Variants in LARGE1 observed in about 807,000 individuals in gnomAD.
LARGE1 encodes xylosyl- and glucuronyltransferase LARGE1.
LARGE1 carries 43 observed loss-of-function variants against 87.6 expected under a neutral mutation model. The observed-to-expected ratio is 0.49, with a 90% CI of 0.38 to 0.63. The LOEUF (loss-of-function observed/expected upper bound fraction) is 0.63, where lower values mean the gene tolerates loss of function less well. Ranked by LOEUF, LARGE1 falls within the 30% of genes least tolerant of loss-of-function variation. LARGE1 has a pLI of 0.00. For missense variants in LARGE1, 802 were observed against 1,000.2 expected, an observed-to-expected ratio of 0.80 and a Z score of 2.67; for synonymous variants, 434 against 394.6, an observed-to-expected ratio of 1.10 and a Z score of -1.18.
intron 2 of LARGE1, among the ~76,000 whole-genome samples, chr22:33,697,002 T>C (rs910767989): frequency 4.6e-5 from 7 of 152,074 alleles, no homozygotes; most frequent in Non-Finnish European, 5.9e-5. Context: ...AAAGCCACAT[T>C]AGACATTTTC....
downstream of LARGE1, among the ~76,000 whole-genome samples, chr22:33,157,563 T>A (rs1921910477): frequency 6.6e-6 from 1 of 152,178 alleles, no homozygotes; most frequent in Non-Finnish European, 1.5e-5. Context: ...GAACCACTGC[T>A]CATTGTCTTA....
intron 1 of LARGE1, among the ~76,000 whole-genome samples, chr22:33,890,196 A>C (rs1049227450): frequency 6.6e-6 from 1 of 152,228 alleles, no homozygotes; most frequent in Non-Finnish European, 1.5e-5. Context: ...CTGGTGTTCA[A>C]ATCCTAGTTT....
chr22:33,510,396 A>G (rs1054988756), intron 6 of LARGE1, among the ~76,000 whole-genome samples: 2 of 152,176 alleles, frequency 1.3e-5, no homozygotes, highest in Admixed American at 1.3e-4. Flanking sequence ...ACCTCTAACA[A>G]TTGGCTTGTG....
In LARGE1 at chr22:33,785,102, TATAC is replaced by T. The variant is rs1390721209; in HGVS notation, c.-82-23548_-82-23545del. The stretch of plus-strand genomic sequence containing the variant: ...ACATACATATGTGTATATACATGTG[TATAC>T]ATACATATGTGTATATGCATATATG... On this transcript the variant is annotated intron_variant, in intron 1 of 14. Transcript: ENST00000397394. 6.2e-5 allele frequency among the ~76,000 whole-genome samples: 4 copies of T among 64,720 alleles called. 1 individual carries two copies. The highest frequency in any genetic ancestry group is 1.2e-4 in the Non-Finnish European group (4 of 32,628). 42.5% of individuals were successfully genotyped at this position (64,720 alleles called of 152,430 possible).
intron 2 of LARGE1, among the ~76,000 whole-genome samples, chr22:33,745,520 C>A (rs2084047108): frequency 6.6e-6 from 1 of 152,148 alleles, no homozygotes; most frequent in African/African-American, 2.4e-5. Context: ...CATGTCTGCA[C>A]TGGGGATTTG....
intron 2 of LARGE1, among the ~76,000 whole-genome samples, chr22:33,729,658 C>G (rs995712351): frequency 1.3e-5 from 2 of 152,178 alleles, no homozygotes; most frequent in African/African-American, 4.8e-5. Context: ...TATTTAAGGG[C>G]CTGCAAAGCC....
chr22:33,838,437 G>A (rs13054613), intron 1 of LARGE1, among the ~76,000 whole-genome samples: 1 of 152,166 alleles, frequency 6.6e-6, no homozygotes, highest in African/African-American at 2.4e-5. Flanking sequence ...CCAAGAGTTT[G>A]AGACCAGCCT....
At chr22:33,335,129 G>C (rs1180276287) in intron 10 of LARGE1, among the ~76,000 whole-genome samples, 1 of 152,210 alleles carries the variant, frequency 6.6e-6, no homozygotes, top group Non-Finnish European at 1.5e-5. Flanking sequence ...AAATAAACGA[G>C]GTAGGAGAAC....
At chr22:33,517,706 G>A (rs1602219345) in intron 6 of LARGE1, among the ~76,000 whole-genome samples, 1 of 152,174 alleles carries the variant, frequency 6.6e-6, no homozygotes, top group South Asian at 2.1e-4. Flanking sequence ...GCCGCCCAGA[G>A]AATTTTGTAT....
At chr22:33,681,575 A>C (rs1240454436) in intron 2 of LARGE1, among the ~76,000 whole-genome samples, 1 of 152,236 alleles carries the variant, frequency 6.6e-6, no homozygotes, top group Non-Finnish European at 1.5e-5. Flanking sequence ...GCAAAATTTA[A>C]GCACTTGCTA....
rs146782243 is a variant in LARGE1, at chr22:33,861,683, G to A, written c.-83+58312C>T. 310 of 152,374 alleles carry A rather than the reference G, an allele frequency of 2.0e-3. 1 individual carries two copies. Among genetic ancestry groups the A allele is most frequent in the Non-Finnish European group, 3.4e-3 (230 of 68,176 alleles). The allele number at this position is 152,374 out of a possible 1,614,324, so 9.4% of individuals were successfully genotyped here. ...CCTCAGTCCTGCCCCCCAGCACTTC[G>A]CGCCAGCCCCAGGAGATCTTGCACC... On this transcript the variant is annotated intron_variant, in intron 1 of 14. Transcript: ENST00000397394.
At chr22:33,697,572 G>GAAAAAAAAAAAAAAA (rs1556001740) in intron 2 of LARGE1, among the ~76,000 whole-genome samples, 2 of 30,888 alleles carry the variant, frequency 6.5e-5, no homozygotes, top group African/African-American at 1.3e-4. Context: ...AAAAAAAAAG[G>GAAAAAAAAAAAAAAA]AAATACATCT....
intron 2 of LARGE1, among the ~76,000 whole-genome samples, chr22:33,697,365 G>A (rs758742358): frequency 6.6e-6 from 1 of 151,874 alleles, no homozygotes; most frequent in African/African-American, 2.4e-5. Context: ...TCTCACCTTT[G>A]TCTCTAGCCT....
At chr22:33,334,391 C>T (rs749754108) in intron 10 of LARGE1, among the ~76,000 whole-genome samples, 4 of 122,912 alleles carry the variant, frequency 3.3e-5, no homozygotes, top group Non-Finnish European at 6.3e-5. Context: ...AGCCTGGCGA[C>T]AGAGCAAGAC....
chr22:33,097,562 T>C, the LARGE1 span, among the ~76,000 whole-genome samples: 3 of 152,210 alleles, frequency 2.0e-5, no homozygotes, highest in Non-Finnish European at 4.4e-5. Flanking sequence ...CATAAGTCAG[T>C]ACAGAGTGCT....
intron 1 of LARGE1, among the ~76,000 whole-genome samples, chr22:33,866,441 G>A (rs138059560): frequency 9.1e-4 from 139 of 152,268 alleles, no homozygotes; most frequent in African/African-American, 3.1e-3. Context: ...TGACAACATC[G>A]GATGGTGCAG....
intron 9 of LARGE1, among the ~76,000 whole-genome samples, chr22:33,377,134 T>C (rs2065016939): frequency 1.3e-5 from 2 of 152,262 alleles, no homozygotes; most frequent in South Asian, 2.1e-4. Context: ...TGGAGTCATT[T>C]GTGTTAACAA....
the LARGE1 span, among the ~76,000 whole-genome samples, chr22:33,103,722 T>C: frequency 3.3e-5 from 5 of 152,302 alleles, no homozygotes; most frequent in East Asian, 1.9e-4. Flanking sequence ...ACAACTTTAA[T>C]GACTTTGGAA....
chr22:33,775,950 G>A (rs1182140643), intron 1 of LARGE1, among the ~76,000 whole-genome samples: 2 of 151,888 alleles, frequency 1.3e-5, no homozygotes, highest in East Asian at 3.9e-4. Flanking sequence ...GCACAGGACA[G>A]TCCCACAACA....
Sources: gnomAD v4.1 joint callset for allele counts (sites outside exome capture counted in the v4.1 genomes callset) on GRCh38, gnomAD v4.1.1 for gene constraint, MANE v1.5 for transcripts, NCBI Gene and HGNC (gene_info 2026-07-23, HGNC 2026-07-21) for gene names.